The following EIF4G3 variants were observed in gnomAD, a reference collection of about 807,000 sequenced individuals.
EIF4G3 encodes eukaryotic translation initiation factor 4 gamma 3.
Under a neutral mutation model 186.4 loss-of-function variants are expected in EIF4G3, and 34 were observed. The observed-to-expected ratio is 0.18, with a 90% CI of 0.14 to 0.24. EIF4G3 has a LOEUF of 0.24. EIF4G3 is among the 10% of genes least tolerant of loss of function. The probability of loss-of-function intolerance (pLI) is 1.00; values close to 1 mark genes in which losing one functional copy is unlikely to be tolerated. For synonymous variants in EIF4G3, 673 were observed against 679.5 expected (o/e 0.99, Z 0.15); for missense variants, 1,536 against 1,948.5 (o/e 0.79, Z 3.99).
intron 12 of EIF4G3, among the ~76,000 whole-genome samples, chr1:20,952,222 T>C (rs1406703455): frequency 1.3e-5 from 2 of 151,222 alleles, no homozygotes; most frequent in South Asian, 2.1e-4. Context: ...TGGCACAACC[T>C]TGGCTTACTG....
chr1:21,129,119 C>T (rs1035874170), intron 2 of EIF4G3, among the ~76,000 whole-genome samples: 2 of 151,860 alleles, frequency 1.3e-5, no homozygotes, highest in Admixed American at 1.3e-4. Flanking sequence ...TCAAGACCAG[C>T]CTGGCCAACA....
At chr1:20,992,416 C>A (rs2081323846) in intron 7 of EIF4G3, among the ~76,000 whole-genome samples, 1 of 152,108 alleles carries the variant, frequency 6.6e-6, no homozygotes. Flanking sequence ...AAGAAATCTA[C>A]ATAAATCAGC....
chr1:20,809,602 A>G (rs2058825976), intron 36 of EIF4G3, among the ~76,000 whole-genome samples: 2 of 152,222 alleles, frequency 1.3e-5, no homozygotes, highest in South Asian at 4.1e-4. Flanking sequence ...AACTATTCTG[A>G]AACTCCTTAG....
chr1:21,054,742 G>C lies in EIF4G3; in HGVS notation c.-195-3748C>G, dbSNP rs2094485378. On this transcript the variant is annotated intron_variant, in intron 3 of 36. Transcript: ENST00000602326. ...AGGTCTGAAGAAAATCTAGTCCCTG[G>C]TACTCTAACCTTCAAATCACTTATA... is the stretch of plus-strand genomic sequence containing the variant. 3.9e-5 allele frequency among the ~76,000 whole-genome samples: 6 copies of C among 152,126 alleles called. No individual in the cohort carries two copies. The South Asian group carries it at 1.2e-3, about 32-fold the overall frequency.
chr1:20,893,946 T>G (rs912887287), intron 17 of EIF4G3, among the ~76,000 whole-genome samples: 4 of 150,088 alleles, frequency 2.7e-5, no homozygotes, highest in Non-Finnish European at 4.4e-5. Flanking sequence ...GACAAGATAT[T>G]TTGAGATCCT....
chr1:20,998,967 C>A, intron 6 of EIF4G3: 1 of 257,262 alleles, frequency 3.9e-6, no homozygotes. Context: ...GAAACAATCT[C>A]TCATGCTCAG....
rs1196316658 is a variant in EIF4G3 at position 21,128,292 on chromosome 1, T to G, written c.-271-39079A>C. On this transcript the variant is annotated intron_variant, in intron 2 of 36. Transcript: ENST00000602326. ...GGGAGGCCGAGGCAGGCAGATCACCTGAGATCAGGAGTTTGAGACCAGCCT... is the reference window on the plus strand; with the variant it reads ...GGGAGGCCGAGGCAGGCAGATCACCGGAGATCAGGAGTTTGAGACCAGCCT... Among the ~76,000 whole-genome samples, 3 of 151,592 alleles carry G rather than the reference T, an allele frequency of 2.0e-5. No homozygotes were observed. The East Asian group carries it at 5.8e-4, about 30-fold the overall frequency.
Position 21,080,975 on chromosome 1 carries a change from T to C in EIF4G3, c.-196+8163A>G, listed in dbSNP as rs1023501747. On this transcript the variant is annotated intron_variant, in intron 3 of 36. Coordinates refer to ENST00000602326, the MANE Select transcript of EIF4G3 (RefSeq NM_001391906.1). ...ATCTAATTTCTCTAAGTAAAATATATACGACAAAATTATAGAACATAGTAA... is the reference window on the plus strand; with the variant it reads ...ATCTAATTTCTCTAAGTAAAATATACACGACAAAATTATAGAACATAGTAA... Among the ~76,000 whole-genome samples, 5 of 152,226 alleles carry C rather than the reference T, an allele frequency of 3.3e-5. 1 individual carries two copies. The highest frequency in any genetic ancestry group is 2.6e-4 in the Admixed American group (4 of 15,280).
chr1:21,127,812 G>A (rs1054944321), intron 2 of EIF4G3, among the ~76,000 whole-genome samples: 9 of 152,180 alleles, frequency 5.9e-5, no homozygotes, highest in African/African-American at 1.9e-4. Flanking sequence ...CTATGTTAAA[G>A]ATAGATGTCT....
chr1:20,858,414 C>G (rs1241919729), intron 24 of EIF4G3, among the ~76,000 whole-genome samples: 1 of 152,134 alleles, frequency 6.6e-6, no homozygotes, highest in Non-Finnish European at 1.5e-5. Flanking sequence ...TCTCTTTCCC[C>G]AGATTTCCAC....
chr1:20,921,997 T>C (rs2094519460), intron 14 of EIF4G3, among the ~76,000 whole-genome samples: 1 of 152,254 alleles, frequency 6.6e-6, no homozygotes, highest in South Asian at 2.1e-4. Flanking sequence ...TTCAACATCC[T>C]TTCAATTCAC....
At chr1:20,814,493 C>T (rs776667873) in intron 34 of EIF4G3, among the ~76,000 whole-genome samples, 20 of 151,974 alleles carry the variant, frequency 1.3e-4, no homozygotes, top group Non-Finnish European at 2.2e-4. Context: ...AATAAATAAT[C>T]CATATTAAGA....
intron 2 of EIF4G3, among the ~76,000 whole-genome samples, chr1:21,145,500 A>G (rs1360944523): frequency 6.6e-6 from 1 of 151,968 alleles, no homozygotes; most frequent in Middle Eastern, 3.2e-3. Context: ...ACGTAGCCTC[A>G]AAGGATACTC....
At chr1:21,034,096 G>A (rs1255129309) in intron 4 of EIF4G3, among the ~76,000 whole-genome samples, 3 of 152,150 alleles carry the variant, frequency 2.0e-5, no homozygotes, top group African/African-American at 7.2e-5. Flanking sequence ...CTGTCTGAAA[G>A]TAACAAAGAA....
At chr1:21,020,004 G>A (rs1296202119) in intron 4 of EIF4G3, among the ~76,000 whole-genome samples, 1 of 152,192 alleles carries the variant, frequency 6.6e-6, no homozygotes, top group Non-Finnish European at 1.5e-5. Context: ...TCATGTCAAT[G>A]AGGGTTCTGT....
At chr1:20,960,678 G>C (rs1376182644) in intron 12 of EIF4G3, among the ~76,000 whole-genome samples, 4 of 152,144 alleles carry the variant, frequency 2.6e-5, no homozygotes, top group Non-Finnish European at 5.9e-5. Context: ...AGGATTGCTT[G>C]AGCCCAGGAT....
At chr1:20,883,755 T>C (rs952285017) in intron 19 of EIF4G3, among the ~76,000 whole-genome samples, 15 of 152,144 alleles carry the variant, frequency 9.9e-5, no homozygotes, top group African/African-American at 3.6e-4. Flanking sequence ...GAATTGTTAA[T>C]GAGGATTTTC....
At chr1:21,064,269 T>C (rs1325889800) in intron 3 of EIF4G3, among the ~76,000 whole-genome samples, 1 of 152,136 alleles carries the variant, frequency 6.6e-6, no homozygotes, top group Non-Finnish European at 1.5e-5. Flanking sequence ...AAGGACACAA[T>C]CAGTGAGTGA....
At position 20,810,739 on chromosome 1, in the gene EIF4G3, G is replaced by C; in HGVS notation, c.4743C>G (p.Ala1581=). ...QASIVKLDQP[A]NLLRMFFDCL... ...AACTGTAACATGAGATAAACTTACT[G>C]GCAGGTTGATCAAGTTTTACTATCG... The change falls in exon 36 of 37, where the codon GCC becomes GCG. Residue 1581 remains alanine, a splice_region_variant and synonymous_variant. Transcript: ENST00000602326. This position sits in a 1 kb window ranked among gnomAD's most constrained non-coding sequence, Gnocchi z 4.1. 6.2e-7 allele frequency: 1 copy of C among 1,613,174 alleles called. No homozygotes were observed. Among genetic ancestry groups the C allele is most frequent in the Non-Finnish European group, 8.5e-7 (1 of 1,179,204 alleles).
Sources: gnomAD v4.1 joint callset for allele counts (sites outside exome capture counted in the v4.1 genomes callset) on GRCh38, gnomAD v4.1.1 for gene constraint, Gnocchi (gnomAD v3.1) non-coding constraint, MANE v1.5 for transcripts, NCBI Gene and HGNC (gene_info 2026-07-23, HGNC 2026-07-21) for gene names.